Variants in NRG2 observed in about 807,000 individuals in gnomAD.
NRG2 encodes neuregulin 2.
In NRG2, 27 loss-of-function variants were observed where a neutral mutation model predicts 73.9. The ratio of observed to expected loss-of-function variants is 0.37; its 90% CI spans 0.27 to 0.50. The LOEUF is 0.50. Among genes scored for constraint, NRG2 ranks in the 20% least tolerant of loss-of-function variants. The pLI is 0.96. For synonymous variants in NRG2, 532 were observed against 541.0 expected (o/e 0.98, Z 0.23); for missense variants, 1,126 against 1,210.1 (o/e 0.93, Z 1.03).
At chr5:139,912,333 G>A (rs1750893670) in intron 1 of NRG2, among the ~76,000 whole-genome samples, 1 of 152,092 alleles carries the variant, frequency 6.6e-6, no homozygotes, top group Non-Finnish European at 1.5e-5. Flanking sequence ...CTCTCTCTCA[G>A]CTCTGCCCAG....
At chr5:139,911,604 G>A (rs73791237) in intron 1 of NRG2, among the ~76,000 whole-genome samples, 1,962 of 152,290 alleles carry the variant, frequency 0.013, 36 homozygotes, top group African/African-American at 0.044. Flanking sequence ...AGGTGAGTAA[G>A]CTGCCTGGAT....
chr5:139,864,944 A>T, intron 5 of NRG2: 5 of 702,662 alleles, frequency 7.1e-6, no homozygotes, highest in Non-Finnish European at 1.3e-5. Flanking sequence ...TGTGCCCAGG[A>T]GGTACAGCCC....
At chr5:139,873,718 G>A (rs979048422) in intron 3 of NRG2, among the ~76,000 whole-genome samples, 7 of 152,244 alleles carry the variant, frequency 4.6e-5, no homozygotes, top group African/African-American at 7.2e-5. Context: ...CTGCAGTTGC[G>A]GGTGGCACAG....
intron 1 of NRG2, among the ~76,000 whole-genome samples, chr5:139,965,979 T>G (rs1209877245): frequency 6.6e-6 from 1 of 152,208 alleles, no homozygotes; most frequent in African/African-American, 2.4e-5. Flanking sequence ...TTTCTAATTT[T>G]TTTTTTATAT....
Position 139,899,214 on chromosome 5 carries a change from G to GC in NRG2, c.701-11704dup, listed in dbSNP as rs1174917841. Among the ~76,000 whole-genome samples the GC allele has an allele frequency of 3.3e-5, 5 of 152,322 alleles. No individual in the cohort carries two copies. In the East Asian group the frequency reaches 7.7e-4, roughly 24 times the overall value. ...ACAGGGCTCTGCTCCAGGAGGCTGG[G>GC]CCACCCAGCTCAATCAGTGATTCTT... On this transcript the variant is annotated intron_variant, in intron 1 of 9. Coordinates refer to ENST00000361474, the MANE Select transcript of NRG2 (RefSeq NM_004883.3).
chr5:139,904,947 C>T lies in NRG2; in HGVS notation c.701-17436G>A, dbSNP rs1388335008. Among the ~76,000 whole-genome samples the T allele has an allele frequency of 6.6e-6, 1 of 152,224 alleles. No individual in the cohort carries two copies. The highest frequency in any genetic ancestry group is 1.9e-4 in the East Asian group (1 of 5,192). ...AGGCGGGTTGCCTGTGCCTCTCATG[C>T]CTGCAGGTCTGGCCTCAGCCCCGTG... On this transcript the variant is annotated intron_variant, in intron 1 of 9. Coordinates refer to ENST00000361474, the MANE Select transcript of NRG2 (RefSeq NM_004883.3). This position sits in a 1 kb window ranked among gnomAD's most constrained non-coding sequence, Gnocchi z 6.0.
intron 1 of NRG2, among the ~76,000 whole-genome samples, chr5:139,969,124 C>A (rs534861140): frequency 6.6e-6 from 1 of 152,330 alleles, no homozygotes. Context: ...TTCTTCTGAC[C>A]CAAGAAGCAG....
rs369881238 is a variant in NRG2, at chr5:139,886,557, G to A, written c.872+783C>T. On this transcript the variant is annotated intron_variant, in intron 2 of 9. Transcript: ENST00000361474. ...AGAGAGGGAAGGCCACTAGGTCCCC[G>A]GAGCCAACAGAGCAGACATCAGGTA... is the stretch of plus-strand genomic sequence containing the variant. 4.5e-4 allele frequency among the ~76,000 whole-genome samples: 68 copies of A among 152,342 alleles called. 1 individual carries two copies. In the East Asian group the frequency reaches 9.8e-3, roughly 22 times the overall value.
chr5:139,965,471 G>A (rs1755431653), intron 1 of NRG2, among the ~76,000 whole-genome samples: 1 of 152,268 alleles, frequency 6.6e-6, no homozygotes, highest in Non-Finnish European at 1.5e-5. Flanking sequence ...CAGTCCTCCT[G>A]AACAGGGATG....
At chr5:139,900,402 A>G (rs1764799518) in intron 1 of NRG2, among the ~76,000 whole-genome samples, 1 of 152,226 alleles carries the variant, frequency 6.6e-6, no homozygotes. Context: ...ATGTGGCCAG[A>G]GCCTGGAAGT....
intron 1 of NRG2, among the ~76,000 whole-genome samples, chr5:139,908,421 A>T (rs1054096721): frequency 6.6e-6 from 1 of 152,180 alleles, no homozygotes; most frequent in Non-Finnish European, 1.5e-5. Flanking sequence ...GGTGAGGAGT[A>T]CCTGAACCAG....
At chr5:139,927,079 C>T (rs949080894) in intron 1 of NRG2, among the ~76,000 whole-genome samples, 2 of 152,202 alleles carry the variant, frequency 1.3e-5, no homozygotes, top group Admixed American at 6.5e-5. Context: ...GCCAGCCACC[C>T]ACCCCCAGGA....
At chr5:139,871,687 C>G in intron 4 of NRG2, 34 bp downstream of exon 4, 1 of 1,612,558 alleles carries the variant, frequency 6.2e-7, no homozygotes, top group South Asian at 1.1e-5. Flanking sequence ...CTACCCTGTT[C>G]TTGCTCCCAT....
At chr5:139,861,776 A>G (rs754370729) in intron 5 of NRG2, 1 of 514,868 alleles carries the variant, frequency 1.9e-6, no homozygotes, top group South Asian at 1.4e-5. Flanking sequence ...ACCCTGGCGC[A>G]CCTCTCACTG....
intron 3 of NRG2, among the ~76,000 whole-genome samples, chr5:139,872,193 C>T (rs1013145246): frequency 2.0e-5 from 3 of 152,180 alleles, no homozygotes; most frequent in Non-Finnish European, 4.4e-5. Flanking sequence ...TTTCCGGGGG[C>T]TCCCCTGCAA....
chr5:139,850,098 T>G (rs536637681), intron 9 of NRG2, among the ~76,000 whole-genome samples: 1 of 152,354 alleles, frequency 6.6e-6, no homozygotes, highest in South Asian at 2.1e-4. Context: ...CTTCCTGCTC[T>G]CCTGCCTCTC....
Position 140,042,896 on chromosome 5 carries a change from A to C in NRG2, c.174T>G (p.Arg58=), listed in dbSNP as rs1450181644. ...GCCGCGGCTCTGGGGGCGCAGCGGG[A>C]CGAGAGATGCTGCTGTTGTTGCTGC... ...RSSSNNSSIS[R]PAAPPEPRPQ... The change falls in exon 1 of 10, where the codon CGT becomes CGG. Residue 58 remains arginine, a synonymous_variant. Coordinates refer to ENST00000361474, the MANE Select transcript of NRG2 (RefSeq NM_004883.3). 1 of 1,526,100 alleles carries C rather than the reference A, an allele frequency of 6.6e-7. No individual in the cohort carries two copies. The highest frequency in any genetic ancestry group is 8.8e-7 in the Non-Finnish European group (1 of 1,138,062). 94.5% of individuals were successfully genotyped at this position (1,526,100 alleles called of 1,614,324 possible). A position where few individuals can be genotyped will look rare whatever the true frequency, so the allele number is the denominator to read the frequency against.
Position 139,951,511 on chromosome 5 carries a change from C to G in NRG2, c.701-64000G>C, listed in dbSNP as rs561694289. 2.2e-4 allele frequency among the ~76,000 whole-genome samples: 34 copies of G among 152,288 alleles called. No homozygotes were observed. In the South Asian group the frequency reaches 6.9e-3, roughly 31 times the overall value. On this transcript the variant is annotated intron_variant, in intron 1 of 9. Transcript: ENST00000361474. Reference sequence around the variant, plus strand: ...GACCCTGGAAGGCCCTTGGAATATTCCATCTGCTGGGGGCCCTTTGGAAGT... The same window carrying G: ...GACCCTGGAAGGCCCTTGGAATATTGCATCTGCTGGGGGCCCTTTGGAAGT...
Position 139,884,940 on chromosome 5 carries a change from C to T in NRG2, c.872+2400G>A, listed in dbSNP as rs76782764. ...AAAGAGGCACGACCCCCTGGGCAGA[C>T]GACAAAGGGTCAGGGGTTGAGCAGC... On this transcript the variant is annotated intron_variant, in intron 2 of 9. Transcript: ENST00000361474. Among the ~76,000 whole-genome samples the T allele has an allele frequency of 1.4e-4, 22 of 152,106 alleles. No homozygotes were observed. The East Asian group carries it at 3.5e-3, about 24-fold the overall frequency.
Sources: allele counts gnomAD v4.1 joint callset (sites outside exome capture counted in the v4.1 genomes callset), GRCh38; gene constraint gnomAD v4.1.1; non-coding constraint Gnocchi (gnomAD v3.1); transcripts MANE v1.5; gene names NCBI Gene and HGNC (gene_info 2026-07-23, HGNC 2026-07-21).